Variants in FAM227B observed in about 807,000 individuals in gnomAD.
FAM227B encodes protein FAM227B.
A neutral mutation model predicts 73.8 loss-of-function variants in FAM227B; 88 were observed. The ratio of observed to expected loss-of-function variants is 1.19; its 90% CI spans 1.00 to 1.42. The LOEUF (loss-of-function observed/expected upper bound fraction) is 1.42, where lower values mean the gene tolerates loss of function less well. FAM227B is among the 40% of genes most tolerant of loss of function. The pLI, the probability that FAM227B is intolerant of heterozygous loss-of-function variation, is 0.00. For missense variants in FAM227B, 632 were observed against 590.9 expected (o/e 1.07, Z -0.72); for synonymous variants, 210 against 190.5 (o/e 1.10, Z -0.84).
At chr15:49,579,869 T>C (rs745904395) in intron 5 of FAM227B, among the ~76,000 whole-genome samples, 2 of 152,186 alleles carry the variant, frequency 1.3e-5, no homozygotes, top group Non-Finnish European at 2.9e-5. Context: ...ATTGCATGCA[T>C]GAATCAAAAT....
At chr15:49,535,216 A>C (rs1457798516) in intron 10 of FAM227B, among the ~76,000 whole-genome samples, 1 of 151,648 alleles carries the variant, frequency 6.6e-6, no homozygotes. Context: ...TATTCAAATA[A>C]ATACAATAAA....
At chr15:49,333,414 A>C (rs1167711345) in intron 14 of FAM227B, among the ~76,000 whole-genome samples, 2 of 152,192 alleles carry the variant, frequency 1.3e-5, no homozygotes, top group Non-Finnish European at 2.9e-5. Context: ...ATATTTGAAT[A>C]CTTCTTGTGA....
Position 49,598,815 on chromosome 15 carries a change from A to G in FAM227B, c.106-8808T>C, listed in dbSNP as rs1438170827. Among the ~76,000 whole-genome samples, 4 of 152,048 alleles carry G rather than the reference A, an allele frequency of 2.6e-5. No homozygotes were observed. In the South Asian group the frequency reaches 6.2e-4, roughly 24 times the overall value. On this transcript the variant is annotated intron_variant, in intron 3 of 15. Coordinates refer to ENST00000299338, the MANE Select transcript of FAM227B (RefSeq NM_152647.3). ...AATAAATCCTACTTGATCATGGTAT[A>G]TGATCCTTTTAATGTACTGTTGAAT...
chr15:49,544,873 G>A (rs563853509), intron 9 of FAM227B, among the ~76,000 whole-genome samples: 1 of 152,108 alleles, frequency 6.6e-6, no homozygotes, highest in Non-Finnish European at 1.5e-5. Flanking sequence ...CGTGGTGTAT[G>A]ATATTTTTGA....
chr15:49,575,878 A>G (rs770556863), intron 7 of FAM227B, among the ~76,000 whole-genome samples: 2 of 152,204 alleles, frequency 1.3e-5, no homozygotes, highest in Non-Finnish European at 2.9e-5. Context: ...ACTAGAAAAT[A>G]TAAGTTTTGG....
intron 11 of FAM227B, among the ~76,000 whole-genome samples, chr15:49,377,898 CTG>C (rs1253142154): frequency 2.0e-5 from 3 of 152,038 alleles, no homozygotes; most frequent in Non-Finnish European, 4.4e-5. Flanking sequence ...CTTTGATTGT[CTG>C]TGTTTGTGGG....
At chr15:49,551,064 G>A (rs781118569) in intron 9 of FAM227B, among the ~76,000 whole-genome samples, 4 of 152,338 alleles carry the variant, frequency 2.6e-5, no homozygotes, top group South Asian at 4.1e-4. Flanking sequence ...CGGATCACTC[G>A]CCGCTAGGAG....
rs531651638 is a variant in FAM227B, at chr15:49,337,356, G to C, written c.1272-1860C>G. On this transcript the variant is annotated intron_variant, in intron 13 of 15. Coordinates refer to ENST00000299338, the MANE Select transcript of FAM227B (RefSeq NM_152647.3). Reference sequence around the variant, plus strand: ...CTCTGCAGCCCCATCAGCATCTATTGTTTTTTGACTTTTTAATAATAGTCA... The same window carrying C: ...CTCTGCAGCCCCATCAGCATCTATTCTTTTTTGACTTTTTAATAATAGTCA... Among the ~76,000 whole-genome samples the C allele has an allele frequency of 3.9e-5, 6 of 152,012 alleles. No individual in the cohort carries two copies. The South Asian group carries it at 1.0e-3, about 26-fold the overall frequency.
intron 15 of FAM227B, chr15:49,329,151 C>A: frequency 1.0e-6 from 1 of 987,752 alleles, no homozygotes; most frequent in Non-Finnish European, 1.2e-6. Context: ...CATTGTAAAG[C>A]AGGTATGCAG....
intron 11 of FAM227B, among the ~76,000 whole-genome samples, chr15:49,429,601 G>A (rs536237454): frequency 6.6e-6 from 1 of 151,978 alleles, no homozygotes; most frequent in East Asian, 1.9e-4. Flanking sequence ...TATTGAAAGG[G>A]TTGCCTTTCT....
chr15:49,451,646 G>C (rs1056432902), intron 11 of FAM227B, among the ~76,000 whole-genome samples: 4 of 152,000 alleles, frequency 2.6e-5, no homozygotes, highest in Non-Finnish European at 5.9e-5. Flanking sequence ...TAAACATGAA[G>C]TGAAACACAG....
At chr15:49,563,574 T>C (rs2074419296) in intron 9 of FAM227B, among the ~76,000 whole-genome samples, 2 of 152,062 alleles carry the variant, frequency 1.3e-5, no homozygotes, top group Admixed American at 6.6e-5. Context: ...AGACATCACA[T>C]TACCTGACTT....
At chr15:49,529,454 T>C (rs557082990) in intron 10 of FAM227B, among the ~76,000 whole-genome samples, 2 of 151,746 alleles carry the variant, frequency 1.3e-5, no homozygotes, top group African/African-American at 4.8e-5. Flanking sequence ...CCTGCACATG[T>C]ACCTGCATCA....
At chr15:49,589,542 T>TACACACACACAC (rs35391819) in intron 4 of FAM227B, among the ~76,000 whole-genome samples, 32 of 139,820 alleles carry the variant, frequency 2.3e-4, no homozygotes, top group South Asian at 4.9e-4. Context: ...TTTATGAGAT[T>TACACACACACAC]ACACACACAC....
intron 2 of FAM227B, chr15:49,614,903 A>T (rs777998006): frequency 5.7e-6 from 3 of 528,702 alleles, no homozygotes; most frequent in Non-Finnish European, 1.0e-5. Flanking sequence ...TTTGAGACTG[A>T]TCTCCCATCT....
chr15:49,396,658 G>C (rs1404742397), intron 11 of FAM227B, among the ~76,000 whole-genome samples: 5 of 151,874 alleles, frequency 3.3e-5, no homozygotes, highest in African/African-American at 7.2e-5. Flanking sequence ...CTGAGAACGG[G>C]CAGACTGCCT....
chr15:49,556,247 CTTT>C (rs1426700948), intron 9 of FAM227B, among the ~76,000 whole-genome samples: 2 of 144,704 alleles, frequency 1.4e-5, no homozygotes, highest in Non-Finnish European at 3.0e-5. Context: ...ATTTTTTTTT[CTTT>C]TATCTTATTT....
intron 10 of FAM227B, among the ~76,000 whole-genome samples, chr15:49,536,414 T>C (rs1477216042): frequency 1.3e-5 from 2 of 151,836 alleles, no homozygotes; most frequent in African/African-American, 4.8e-5. Context: ...AAGAAAGAAA[T>C]TGAAGAAGAC....
intron 11 of FAM227B, chr15:49,485,416 T>C (rs2056322708): frequency 6.6e-6 from 1 of 152,504 alleles, no homozygotes; most frequent in East Asian, 1.9e-4. Context: ...AGCATTAAAC[T>C]CTATTTTAAG....
Sources: gnomAD v4.1 joint callset for allele counts (sites outside exome capture counted in the v4.1 genomes callset) on GRCh38, gnomAD v4.1.1 for gene constraint, MANE v1.5 for transcripts, NCBI Gene and HGNC (gene_info 2026-07-23, HGNC 2026-07-21) for gene names.